HIVEP3: variants seen among roughly 807,000 people sequenced by gnomAD.
HIVEP3 encodes transcription factor HIVEP3.
A neutral mutation model predicts 152.8 loss-of-function variants in HIVEP3; 49 were observed. The ratio of observed to expected loss-of-function variants is 0.32; its 90% CI spans 0.26 to 0.41. The LOEUF (loss-of-function observed/expected upper bound fraction) is 0.41. HIVEP3 is among the 10% of genes least tolerant of loss of function. HIVEP3 has a pLI of 1.00. For synonymous variants in HIVEP3, 1,269 were observed against 1,289.0 expected, an observed-to-expected ratio of 0.98 and a Z score of 0.33; for missense variants, 2,790 against 3,103.3, an observed-to-expected ratio of 0.90 and a Z score of 2.40.
intron 1 of HIVEP3, among the ~76,000 whole-genome samples, chr1:41,941,819 T>G (rs933718636): frequency 6.6e-6 from 1 of 152,172 alleles, no homozygotes; most frequent in Admixed American, 6.5e-5. Flanking sequence ...AAGCCATAGA[T>G]CAGGGCTGGG....
At chr1:41,916,491 GAT>G (rs1644873667) in intron 1 of HIVEP3, among the ~76,000 whole-genome samples, 1 of 152,200 alleles carries the variant, frequency 6.6e-6, no homozygotes, top group African/African-American at 2.4e-5. Flanking sequence ...GCCTTAACTA[GAT>G]GGAGTGGAGA....
At chr1:42,009,721 T>C (rs558928276) in intron 1 of HIVEP3, among the ~76,000 whole-genome samples, 1 of 152,204 alleles carries the variant, frequency 6.6e-6, no homozygotes, top group Non-Finnish European at 1.5e-5. Context: ...GGGTTCCTTT[T>C]GATTGAAGAA....
chr1:42,011,639 C>T (rs1645492593), intron 1 of HIVEP3, among the ~76,000 whole-genome samples: 1 of 152,174 alleles, frequency 6.6e-6, no homozygotes, highest in Non-Finnish European at 1.5e-5. Flanking sequence ...CTGGTCATTG[C>T]CCATTGGCCT....
chr1:41,637,973 TA>T (rs1000151235), intron 2 of HIVEP3, among the ~76,000 whole-genome samples: 6 of 152,288 alleles, frequency 3.9e-5, no homozygotes, highest in Non-Finnish European at 7.4e-5. Flanking sequence ...AAATACTGCA[TA>T]TTCTCACTTA....
intron 1 of HIVEP3, among the ~76,000 whole-genome samples, chr1:41,906,872 C>A (rs925695846): frequency 5.0e-5 from 7 of 141,206 alleles, no homozygotes; most frequent in African/African-American, 1.9e-4. Flanking sequence ...TCCCTCCTTT[C>A]TGTCTCTCCT....
chr1:41,655,577 C>A (rs1370934856), intron 2 of HIVEP3, among the ~76,000 whole-genome samples: 1 of 96,182 alleles, frequency 1.0e-5, no homozygotes, highest in Non-Finnish European at 1.9e-5. Flanking sequence ...AGTGACACTC[C>A]ATCTCAAAAA....
chr1:41,861,947 GATACCACAAAGCAAATATCT>G (rs1195365240), intron 1 of HIVEP3, among the ~76,000 whole-genome samples: 1 of 152,184 alleles, frequency 6.6e-6, no homozygotes, highest in Non-Finnish European at 1.5e-5. Context: ...AGATCTGGAA[GATACCACAAAGCAAATATCT>G]AAAGGGCTTG....
chr1:41,637,590 C>T (rs755730801), intron 2 of HIVEP3, among the ~76,000 whole-genome samples: 7 of 152,232 alleles, frequency 4.6e-5, no homozygotes, highest in Non-Finnish European at 1.0e-4. Context: ...CTGTGACACA[C>T]ACTTCCTCTC....
At chr1:41,630,253 C>G (rs762915210) in intron 2 of HIVEP3, among the ~76,000 whole-genome samples, 2 of 151,988 alleles carry the variant, frequency 1.3e-5, no homozygotes, top group Non-Finnish European at 2.9e-5. Context: ...AAGATGGGAA[C>G]GACAGACACT....
At chr1:41,720,547 A>T (rs185530767) in intron 1 of HIVEP3, among the ~76,000 whole-genome samples, 11 of 152,302 alleles carry the variant, frequency 7.2e-5, no homozygotes, top group Non-Finnish European at 8.8e-5. Context: ...TCAGGCTCTA[A>T]TGTCAAGAGG....
In HIVEP3 at chr1:41,572,528, C is replaced by G. The variant is rs181163189; in HGVS notation, c.5207+3016G>C. ...TGAGCTTCTCAGCTCTGGCCATCCC[C>G]ACCTTAGCAGTGGGTCTTGTGTTGC... On this transcript the variant is annotated intron_variant, in intron 5 of 8. Coordinates refer to ENST00000372583, the MANE Select transcript of HIVEP3 (RefSeq NM_024503.5). Among the ~76,000 whole-genome samples the G allele has an allele frequency of 1.8e-3, 280 of 152,332 alleles. 1 individual carries two copies. Among genetic ancestry groups the G allele is most frequent in the African/African-American group, 6.4e-3 (264 of 41,568 alleles).
chr1:41,527,715 C>T (rs1373221826), intron 5 of HIVEP3, among the ~76,000 whole-genome samples: 2 of 148,804 alleles, frequency 1.3e-5, no homozygotes, highest in Non-Finnish European at 3.0e-5. Context: ...CCCACCCTCA[C>T]ATGCTCACCC....
At chr1:41,962,991 C>G (rs551111654) in intron 1 of HIVEP3, among the ~76,000 whole-genome samples, 86 of 152,168 alleles carry the variant, frequency 5.7e-4, no homozygotes, top group Admixed American at 7.9e-4. Flanking sequence ...CTGCAGATAT[C>G]AAAACCAAAA....
At chr1:41,623,563 C>T (rs1467316872) in intron 3 of HIVEP3, among the ~76,000 whole-genome samples, 1 of 152,186 alleles carries the variant, frequency 6.6e-6, no homozygotes, top group East Asian at 1.9e-4. Context: ...TAGCCCATGG[C>T]CTCCAAAAAC....
At chr1:41,904,839 A>G (rs1644684588) in intron 1 of HIVEP3, among the ~76,000 whole-genome samples, 1 of 152,202 alleles carries the variant, frequency 6.6e-6, no homozygotes, top group Non-Finnish European at 1.5e-5. Flanking sequence ...TCTGCCCTCA[A>G]GGACCTCCAA....
At chr1:41,920,577 G>GT (rs10708045), upstream of HIVEP3, among the ~76,000 whole-genome samples, 635 of 123,190 alleles carry the variant, frequency 5.2e-3, 1 homozygote, top group African/African-American at 0.012. Context: ...AAACAAGATG[G>GT]TTTTTTTTTT....
chr1:41,558,603 C>T (rs1028045126), intron 5 of HIVEP3, among the ~76,000 whole-genome samples: 1 of 152,180 alleles, frequency 6.6e-6, no homozygotes, highest in Non-Finnish European at 1.5e-5. Flanking sequence ...GGAACATGGC[C>T]CCTGAAGACT....
chr1:41,745,981 C>T (rs76729950), intron 1 of HIVEP3, among the ~76,000 whole-genome samples: 3,672 of 152,254 alleles, frequency 0.024, 174 homozygotes, highest in East Asian at 0.21. Flanking sequence ...GAATGGTCAA[C>T]GAATGAATGG....
At position 41,628,907 on chromosome 1, in the gene HIVEP3, C is replaced by T; in HGVS notation, c.-680G>A. The T allele has an allele frequency of 1.6e-6, 2 of 1,231,658 alleles. No homozygotes were observed. Among genetic ancestry groups the T allele is most frequent in the Non-Finnish European group, 2.0e-6 (2 of 987,840 alleles). The allele number at this position is 1,231,658 out of a possible 1,614,324, so 76.3% of individuals were successfully genotyped here. A position where few individuals can be genotyped will look rare whatever the true frequency, so the allele number is the denominator to read the frequency against. ...TTGGCCAGGACCCCGCGAGGCTCCT[C>T]CATGAACTAGGTTGAGGCTGCTGGG... On this transcript the variant is annotated 5_prime_UTR_variant, in exon 3 of 9. Transcript: ENST00000372583.
Sources: gnomAD v4.1 joint callset for allele counts (sites outside exome capture counted in the v4.1 genomes callset) on GRCh38, gnomAD v4.1.1 for gene constraint, MANE v1.5 for transcripts, NCBI Gene and HGNC (gene_info 2026-07-23, HGNC 2026-07-21) for gene names.